Variants in SLIT3 observed in about 807,000 individuals in gnomAD.
The protein encoded by SLIT3 is slit guidance ligand 3, also known as slit homolog 3 protein.
Under a neutral mutation model 184.0 loss-of-function variants are expected in SLIT3, and 68 were observed. The ratio of observed to expected loss-of-function variants is 0.37; its 90% CI spans 0.30 to 0.45. The LOEUF is 0.45. SLIT3 is among the 20% of genes least tolerant of loss of function. The pLI is 1.00. For missense variants in SLIT3, 1,707 were observed against 2,026.0 expected (o/e 0.84, Z 3.02); for synonymous variants, 831 against 828.6 (o/e 1.00, Z -0.05).
chr5:168,686,863 A>T, intron 30 of SLIT3, 116 bp downstream of exon 30: 3 of 1,250,570 alleles, frequency 2.4e-6, no homozygotes, highest in Non-Finnish European at 3.4e-6. Flanking sequence ...ATCACCCAGA[A>T]CCGGGGCTAC....
chr5:169,289,824 G>A (rs568810887), intron 1 of SLIT3, among the ~76,000 whole-genome samples: 4 of 152,320 alleles, frequency 2.6e-5, no homozygotes, highest in South Asian at 2.1e-4. Flanking sequence ...ATAAAACTCC[G>A]ATTAGAAGAG....
chr5:169,211,796 C>T lies in SLIT3; in HGVS notation c.342-18246G>A, dbSNP rs569291974. Among the ~76,000 whole-genome samples the T allele has an allele frequency of 5.9e-5, 9 of 152,180 alleles. No homozygotes were observed. The South Asian group carries it at 6.2e-4, about 11-fold the overall frequency. Reference sequence around the variant, plus strand: ...TAATGCTATCCCTCCCCTAGCCCCCCGTCCCCAGACGGCCCGTGTGTGATG... The same window carrying T: ...TAATGCTATCCCTCCCCTAGCCCCCTGTCCCCAGACGGCCCGTGTGTGATG... On this transcript the variant is annotated intron_variant, in intron 3 of 35. Coordinates refer to ENST00000519560, the MANE Select transcript of SLIT3 (RefSeq NM_003062.4).
At chr5:169,158,787 G>A (rs917444768) in intron 4 of SLIT3, among the ~76,000 whole-genome samples, 1 of 152,104 alleles carries the variant, frequency 6.6e-6, no homozygotes, top group Admixed American at 6.5e-5. Flanking sequence ...ATAATACCTA[G>A]AGGCACTACT....
At chr5:169,248,270 T>A (rs1765664967) in intron 2 of SLIT3, among the ~76,000 whole-genome samples, 1 of 152,046 alleles carries the variant, frequency 6.6e-6, no homozygotes, top group Non-Finnish European at 1.5e-5. Flanking sequence ...TTTACTTCGC[T>A]CTCCTCATTT....
intron 4 of SLIT3, among the ~76,000 whole-genome samples, chr5:169,055,563 C>T (rs912966011): frequency 4.6e-5 from 7 of 152,252 alleles, no homozygotes; most frequent in African/African-American, 9.6e-5. Context: ...TGGAGAAGGT[C>T]GGGCGCAGTG....
intron 4 of SLIT3, among the ~76,000 whole-genome samples, chr5:169,153,302 ACGAT>A (rs1762188009): frequency 6.6e-6 from 1 of 151,872 alleles, no homozygotes; most frequent in Non-Finnish European, 1.5e-5. Flanking sequence ...TGGACAAGTA[ACGAT>A]TTTCTCTCCC....
In SLIT3 at chr5:168,860,442, G is replaced by A. The variant is rs150626285; in HGVS notation, c.486-15787C>T. ...GAGGAATGGTGGCCTAATGGGGAGG[G>A]ATTGAGGAGTCCCAGGGATTTAGGG... is the stretch of plus-strand genomic sequence containing the variant. On this transcript the variant is annotated intron_variant, in intron 5 of 35. Coordinates refer to ENST00000519560, the MANE Select transcript of SLIT3 (RefSeq NM_003062.4). 3.1e-4 allele frequency among the ~76,000 whole-genome samples: 47 copies of A among 152,202 alleles called. No homozygotes were observed. In the East Asian group the frequency reaches 9.1e-3, roughly 29 times the overall value.
chr5:168,885,761 A>T (rs1760177845), intron 4 of SLIT3, among the ~76,000 whole-genome samples: 1 of 152,240 alleles, frequency 6.6e-6, no homozygotes, highest in Non-Finnish European at 1.5e-5. Flanking sequence ...CATAGCTGGA[A>T]GCTGGATGAG....
intron 4 of SLIT3, among the ~76,000 whole-genome samples, chr5:169,132,120 C>G (rs1012800454): frequency 3.9e-5 from 6 of 152,104 alleles, no homozygotes; most frequent in Non-Finnish European, 7.4e-5. Context: ...TGAAGTACCC[C>G]ACATGTCCAG....
chr5:168,943,733 GA>G (rs1180445769), intron 4 of SLIT3, among the ~76,000 whole-genome samples: 1 of 152,174 alleles, frequency 6.6e-6, no homozygotes, highest in Non-Finnish European at 1.5e-5. Context: ...CACAGTTTAT[GA>G]ATAATATATG....
At chr5:168,940,867 G>A (rs377703411) in intron 4 of SLIT3, among the ~76,000 whole-genome samples, 13 of 152,186 alleles carry the variant, frequency 8.5e-5, no homozygotes, top group South Asian at 6.2e-4. Context: ...AGGAGGGTGC[G>A]TGCTGTGTTT....
chr5:169,262,295 G>T (rs1249437230), intron 1 of SLIT3, among the ~76,000 whole-genome samples: 1 of 152,208 alleles, frequency 6.6e-6, no homozygotes. Flanking sequence ...ACAGGGTGAG[G>T]TGAAGAGAAT....
intron 1 of SLIT3, among the ~76,000 whole-genome samples, chr5:169,289,756 C>T (rs761094353): frequency 5.3e-5 from 8 of 152,168 alleles, no homozygotes; most frequent in Non-Finnish European, 1.2e-4. Context: ...AAGGCAGGAG[C>T]CAGGAGTAGC....
intron 4 of SLIT3, among the ~76,000 whole-genome samples, chr5:169,092,210 T>C (rs1759616152): frequency 6.6e-6 from 1 of 151,622 alleles, no homozygotes. Context: ...GTGACAAGAG[T>C]GAAACTCTGT....
intron 9 of SLIT3, among the ~76,000 whole-genome samples, chr5:168,801,736 G>A (rs1413888586): frequency 1.3e-5 from 2 of 152,216 alleles, no homozygotes; most frequent in Non-Finnish European, 2.9e-5. Flanking sequence ...TCAGAGAACC[G>A]ACAGGGTGCA....
intron 1 of SLIT3, among the ~76,000 whole-genome samples, chr5:169,294,970 C>T (rs1339959102): frequency 3.3e-5 from 5 of 152,180 alleles, no homozygotes; most frequent in African/African-American, 1.2e-4. Flanking sequence ...CTGCACAGGG[C>T]ATTTACCAGG....
chr5:168,849,265 A>G (rs1466091649), intron 5 of SLIT3, among the ~76,000 whole-genome samples: 5 of 152,192 alleles, frequency 3.3e-5, no homozygotes. Flanking sequence ...GGGGCCCAGC[A>G]TCTCATCAGG....
chr5:168,762,668 C>G lies in SLIT3; in HGVS notation c.1481G>C (p.Arg494Thr), dbSNP rs147560182. The G allele has an allele frequency of 7.1e-4, 1,138 of 1,614,002 alleles. 2 individuals are homozygous for G. In the Middle Eastern group the frequency reaches 8.4e-3, roughly 12 times the overall value. ...RCSGSEDYRS[R>T]FSSECFMDLV... is the part of the protein sequence containing the mutation. ...GTCCATGAAGCACTCGCTGCTGAAC[C>G]TGCTGCGGTAATCCTCGGAGCCTGG... Residue 494 changes from arginine to threonine, a missense_variant, in exon 15 of 36, where the codon AGG becomes ACG. Arg to Thr is a moderately conservative substitution (Grantham distance 71). Transcript: ENST00000519560.
chr5:169,018,871 C>T lies in SLIT3; in HGVS notation c.414-135535G>A, dbSNP rs561219776. On this transcript the variant is annotated intron_variant, in intron 4 of 35. Transcript: ENST00000519560. ...CATCTTTGGAACGGGAACACGCTGA[C>T]GGCTGTCTGGGACTCCTTTCCCTAG... 6.6e-5 allele frequency among the ~76,000 whole-genome samples: 10 copies of T among 152,272 alleles called. 1 individual carries two copies. Among genetic ancestry groups the T allele is most frequent in the South Asian group, 2.1e-4 (1 of 4,818 alleles).
Sources: allele counts gnomAD v4.1 joint callset (sites outside exome capture counted in the v4.1 genomes callset), GRCh38; gene constraint gnomAD v4.1.1; transcripts MANE v1.5; gene names NCBI Gene and HGNC (gene_info 2026-07-23, HGNC 2026-07-21).